The following VAC14 variants were observed in gnomAD, a reference collection of about 807,000 sequenced individuals.
VAC14 encodes protein VAC14 homolog.
In VAC14, 47 loss-of-function variants were observed where a neutral mutation model predicts 85.3. The observed-to-expected ratio is 0.55, with a 90% CI of 0.44 to 0.70. The LOEUF (loss-of-function observed/expected upper bound fraction) is 0.70. Ranked by LOEUF, VAC14 falls within the 30% of genes least tolerant of loss-of-function variation. The pLI, the probability that VAC14 is intolerant of heterozygous loss-of-function variation, is 0.00. For synonymous variants in VAC14, 447 were observed against 430.5 expected, an observed-to-expected ratio of 1.04 and a Z score of -0.47; for missense variants, 861 against 1,004.3, an observed-to-expected ratio of 0.86 and a Z score of 1.93.
chr16:70,726,515 T>TA (rs2054433268), intron 14 of VAC14, among the ~76,000 whole-genome samples: 1 of 152,228 alleles, frequency 6.6e-6, no homozygotes, highest in Non-Finnish European at 1.5e-5. Context: ...GCCATTTATA[T>TA]AACCCCACCA....
At chr16:70,746,004 G>C (rs2030857127) in intron 12 of VAC14, among the ~76,000 whole-genome samples, 1 of 152,222 alleles carries the variant, frequency 6.6e-6, no homozygotes, top group Admixed American at 6.5e-5. Flanking sequence ...CAAAAAGCTT[G>C]TGAGTATATT....
At chr16:70,689,074 G>A (rs897137130) in intron 18 of VAC14, 2 of 984,156 alleles carry the variant, frequency 2.0e-6, no homozygotes, top group Non-Finnish European at 2.4e-6. Context: ...GGGCCGGGAA[G>A]GGGGGTGCAG....
chr16:70,754,867 G>A (rs2031702229), intron 12 of VAC14, among the ~76,000 whole-genome samples: 1 of 152,168 alleles, frequency 6.6e-6, no homozygotes, highest in Non-Finnish European at 1.5e-5. Flanking sequence ...AGTGAACACT[G>A]AGGCAAGAAT....
At position 70,744,458 on chromosome 16, in the gene VAC14, G is replaced by A. The variant is rs2030670399; in HGVS notation, c.1493C>T (p.Pro498Leu). The A allele has an allele frequency of 1.2e-6, 2 of 1,614,068 alleles. No individual in the cohort carries two copies. Among genetic ancestry groups the A allele is most frequent in the Non-Finnish European group, 1.7e-6 (2 of 1,180,006 alleles). Reference protein sequence around the residue: ...LQASHSELQVPTPGRAGLLNT... With the variant: ...LQASHSELQVLTPGRAGLLNT... ...CAGTAGGCCGGCTCTGCCAGGGGTG[G>A]GCACCTGGAGCTCTGAGTGGCTGGC... The change falls in exon 13 of 19, where the codon CCC becomes CTC. Residue 498 changes from proline to leucine, a missense_variant. Around this residue, in one of 3 missense-constraint regions of VAC14, gnomAD observed 629 missense variants for 703.1 expected, o/e 0.89. Transcript: ENST00000261776.
rs542372999 is a variant in VAC14 at position 70,690,971 on chromosome 16, G to T, written c.2186+1850C>A. 5 of 985,130 alleles carry T rather than the reference G, an allele frequency of 5.1e-6. No homozygotes were observed. In the East Asian group the frequency reaches 4.5e-4, roughly 89 times the overall value. The allele number at this position is 985,130 out of a possible 1,614,324, so 61.0% of individuals were successfully genotyped here. ...AACCAAGAACCCAGAGAGGGCACTG[G>T]GCTTGCTGGAGGTCACACAACAAAT... On this transcript the variant is annotated intron_variant, in intron 18 of 18. Transcript: ENST00000261776.
chr16:70,767,699 G>C (rs980162219), intron 10 of VAC14, among the ~76,000 whole-genome samples: 3 of 152,180 alleles, frequency 2.0e-5, no homozygotes, highest in Non-Finnish European at 4.4e-5. Context: ...TTGAATTCCA[G>C]CTTGGCTACT....
At chr16:70,740,368 C>A (rs913701600) in intron 13 of VAC14, among the ~76,000 whole-genome samples, 1 of 152,228 alleles carries the variant, frequency 6.6e-6, no homozygotes. Flanking sequence ...TGGCCTCAGA[C>A]TGACACATTA....
At chr16:70,792,998 C>T (rs954619784) in intron 1 of VAC14, among the ~76,000 whole-genome samples, 7 of 152,170 alleles carry the variant, frequency 4.6e-5, no homozygotes, top group African/African-American at 1.7e-4. Context: ...TGACATCTAC[C>T]AAGTCCATAT....
At chr16:70,785,507 TA>T (rs1472153269) in intron 3 of VAC14, among the ~76,000 whole-genome samples, 194 bp downstream of exon 3, 1 of 152,106 alleles carries the variant, frequency 6.6e-6, no homozygotes, top group Non-Finnish European at 1.5e-5. Context: ...CAAAATGAAT[TA>T]AAAGAGAAAT....
At chr16:70,705,741 G>C (rs2053908678) in intron 14 of VAC14, among the ~76,000 whole-genome samples, 1 of 152,210 alleles carries the variant, frequency 6.6e-6, no homozygotes, top group Non-Finnish European at 1.5e-5. Context: ...ATGATGAACA[G>C]AGGACTCAGA....
intron 12 of VAC14, among the ~76,000 whole-genome samples, chr16:70,746,045 G>A (rs2030861916): frequency 1.3e-5 from 2 of 152,188 alleles, no homozygotes; most frequent in African/African-American, 4.8e-5. Flanking sequence ...CTTCAAAAGG[G>A]CAAATTTTAT....
chr16:70,780,743 C>T, intron 9 of VAC14, 47 bp downstream of exon 9: 1 of 1,528,256 alleles, frequency 6.5e-7, no homozygotes, highest in East Asian at 2.3e-5. Flanking sequence ...CATCTGGCTC[C>T]CTGGGCCCCC....
intron 10 of VAC14, chr16:70,770,840 A>C (rs1551528): frequency 6.6e-6 from 1 of 151,964 alleles, no homozygotes; most frequent in African/African-American, 2.4e-5. Context: ...AACGTAGGGG[A>C]CTCCTAGTGG....
chr16:70,747,595 C>T (rs1372306237), intron 12 of VAC14: 1 of 152,146 alleles, frequency 6.6e-6, no homozygotes, highest in East Asian at 1.9e-4. Context: ...GGGTCTCACC[C>T]ACTCCCTGGT....
chr16:70,766,871 G>A (rs1226435019), intron 10 of VAC14, among the ~76,000 whole-genome samples: 2 of 152,142 alleles, frequency 1.3e-5, no homozygotes, highest in Non-Finnish European at 2.9e-5. Flanking sequence ...GGGAACTGGG[G>A]CTCTGGGACC....
chr16:70,725,951 G>T (rs983244038), intron 14 of VAC14, among the ~76,000 whole-genome samples: 1 of 152,276 alleles, frequency 6.6e-6, no homozygotes, highest in African/African-American at 2.4e-5. Context: ...AGGCGGCAGG[G>T]AGGAAGAGGA....
At chr16:70,695,284 A>T (rs1222763775) in intron 17 of VAC14, among the ~76,000 whole-genome samples, 2 of 151,906 alleles carry the variant, frequency 1.3e-5, no homozygotes, top group African/African-American at 4.8e-5. Flanking sequence ...GCTAATTTTT[A>T]AAAAATTTTG....
intron 9 of VAC14, among the ~76,000 whole-genome samples, chr16:70,774,204 A>G (rs1271054587): frequency 6.6e-6 from 1 of 152,176 alleles, no homozygotes; most frequent in Admixed American, 6.5e-5. Flanking sequence ...CACTGCATTT[A>G]GCTAAACTGT....
At chr16:70,774,860 C>G (rs1478652428) in intron 9 of VAC14, among the ~76,000 whole-genome samples, 1 of 151,908 alleles carries the variant, frequency 6.6e-6, no homozygotes, top group Non-Finnish European at 1.5e-5. Context: ...ATTCTCATGC[C>G]TCAGCTTCCT....
Sources: allele counts gnomAD v4.1 joint callset (sites outside exome capture counted in the v4.1 genomes callset), GRCh38; gene constraint gnomAD v4.1.1; regional missense constraint gnomAD v4.1.1; transcripts MANE v1.5; gene names NCBI Gene and HGNC (gene_info 2026-07-23, HGNC 2026-07-21).